The following ERLIN2 variants were observed in gnomAD, a reference collection of about 807,000 sequenced individuals.
ERLIN2 encodes the protein erlin-2.
Under a neutral mutation model 41.5 loss-of-function variants are expected in ERLIN2, and 22 were observed. The observed-to-expected ratio is 0.53, with a 90% CI of 0.38 to 0.76. The LOEUF (loss-of-function observed/expected upper bound fraction) is 0.76. Among genes scored for constraint, ERLIN2 ranks in the 30% least tolerant of loss-of-function variants. The probability of loss-of-function intolerance (pLI) is 0.00; values close to 1 mark genes in which losing one functional copy is unlikely to be tolerated. For synonymous variants in ERLIN2, 149 were observed against 150.9 expected (o/e 0.99, Z 0.09); for missense variants, 247 against 414.3 (o/e 0.60, Z 3.51).
At position 37,736,650 on chromosome 8, in the gene ERLIN2, G is replaced by A; in HGVS notation, c.-44G>A. 1.0e-6 allele frequency: 1 copy of A among 985,804 alleles called. No homozygotes were observed. 61.1% of individuals were successfully genotyped at this position (985,804 alleles called of 1,614,324 possible). On this transcript the variant is annotated 5_prime_UTR_variant, in exon 1 of 12. Coordinates refer to ENST00000519638, the MANE Select transcript of ERLIN2 (RefSeq NM_007175.8). The stretch of plus-strand genomic sequence containing the variant: ...GGTTTTCTTGCTCGTGGGCTCGGAC[G>A]AGTACGGAGCGCCTGCAGGGACAGC...
chr8:37,752,358 C>T (rs904942981), intron 10 of ERLIN2, among the ~76,000 whole-genome samples: 2 of 152,216 alleles, frequency 1.3e-5, no homozygotes, highest in Admixed American at 1.3e-4. Flanking sequence ...GACCTCAAGG[C>T]CCAGCTTCAG....
rs905683740 is a variant in ERLIN2 at position 37,750,545 on chromosome 8, G to A, written c.649+59G>A. The A allele has an allele frequency of 4.6e-5, 66 of 1,433,632 alleles. 1 individual carries two copies. The Admixed American group carries it at 1.1e-3, about 24-fold the overall frequency. The allele number at this position is 1,433,632 out of a possible 1,614,324, so 88.8% of individuals were successfully genotyped here. On this transcript the variant is annotated intron_variant, in intron 9 of 11. Coordinates refer to ENST00000519638, the MANE Select transcript of ERLIN2 (RefSeq NM_007175.8). ...GCAGAAAGGCTGGGGGTGGTGGGAAGATGCAAGGAGGCTAAGGCCTGGTGA... is the reference window on the plus strand; with the variant it reads ...GCAGAAAGGCTGGGGGTGGTGGGAAAATGCAAGGAGGCTAAGGCCTGGTGA...
intron 9 of ERLIN2, 50 bp from the exon 10 acceptor site, chr8:37,751,576 A>T: frequency 6.7e-7 from 1 of 1,500,514 alleles, no homozygotes; most frequent in Non-Finnish European, 9.3e-7. Context: ...AGGTGAAATT[A>T]GTCAAACTCT....
Position 37,757,052 on chromosome 8 carries a change from G to C in ERLIN2, c.*2937G>C, listed in dbSNP as rs1181409543. 1 of 152,140 alleles carries C rather than the reference G, an allele frequency of 6.6e-6. No individual in the cohort carries two copies. The highest frequency in any genetic ancestry group is 1.5e-5 in the Non-Finnish European group (1 of 68,028). 9.4% of individuals were successfully genotyped at this position (152,140 alleles called of 1,614,324 possible). A position where few individuals can be genotyped will look rare whatever the true frequency, so the allele number is the denominator to read the frequency against. On this transcript the variant is annotated 3_prime_UTR_variant, in exon 12 of 12. Coordinates refer to ENST00000519638, the MANE Select transcript of ERLIN2 (RefSeq NM_007175.8). ...GGAGGGATCTGTGATCATATAAAAA[G>C]GGAGGGTTACTGAAAGAATTTTAGC... is the stretch of plus-strand genomic sequence containing the variant.
At chr8:37,747,728 A>C (rs765581189) in intron 6 of ERLIN2, 1 of 1,589,288 alleles carries the variant, frequency 6.3e-7, no homozygotes, top group Non-Finnish European at 8.6e-7. Flanking sequence ...CACTTTGCAC[A>C]TTTCTTTCTG....
In ERLIN2 at chr8:37,740,913, T is replaced by C. The variant is rs796117304; in HGVS notation, c.189+467T>C. Among the ~76,000 whole-genome samples, 3 of 152,328 alleles carry C rather than the reference T, an allele frequency of 2.0e-5. 1 individual carries two copies. The highest frequency in any genetic ancestry group is 7.2e-5 in the African/African-American group (3 of 41,572). On this transcript the variant is annotated intron_variant, in intron 3 of 11. Coordinates refer to ENST00000519638, the MANE Select transcript of ERLIN2 (RefSeq NM_007175.8). Reference sequence around the variant, plus strand: ...GATCTAAAGCCTGGCTAAGTTGGACTTGCCATCTCTGAAGTATGTCCAGCT... The same window carrying C: ...GATCTAAAGCCTGGCTAAGTTGGACCTGCCATCTCTGAAGTATGTCCAGCT...
At chr8:37,738,093 C>T (rs1802718577) in intron 2 of ERLIN2, 64 bp downstream of exon 2, 1 of 1,586,566 alleles carries the variant, frequency 6.3e-7, no homozygotes, top group African/African-American at 1.3e-5. Context: ...CTGGTCATTG[C>T]TTTCCTAGCA....
chr8:37,751,265 G>A (rs1803212279), intron 9 of ERLIN2, among the ~76,000 whole-genome samples: 1 of 152,242 alleles, frequency 6.6e-6, no homozygotes, highest in African/African-American at 2.4e-5. Context: ...TAGAAGCTAT[G>A]TTCTAAGTCA....
chr8:37,751,484 C>T (rs1563317178), intron 9 of ERLIN2, 142 bp from the exon 10 acceptor site: 1 of 708,910 alleles, frequency 1.4e-6, no homozygotes, highest in East Asian at 2.7e-5. Flanking sequence ...GCATATCCCA[C>T]TCTGCCCTTG....
At chr8:37,744,453 T>C in intron 5 of ERLIN2, 37 bp downstream of exon 5, 1 of 1,611,222 alleles carries the variant, frequency 6.2e-7, no homozygotes, top group Admixed American at 1.7e-5. Context: ...ACCAGCTCAC[T>C]TTCCCCAGCA....
At chr8:37,749,948 T>A (rs1381194885) in intron 8 of ERLIN2, 96 bp downstream of exon 8, 6 of 1,101,378 alleles carry the variant, frequency 5.4e-6, no homozygotes, top group Admixed American at 1.7e-5. Flanking sequence ...GGCTTCTCGG[T>A]TATCCCCTTG....
Position 37,744,833 on chromosome 8 carries a change from C to G in ERLIN2, c.424+137C>G, listed in dbSNP as rs565755341. On this transcript the variant is annotated intron_variant, in intron 6 of 11. Transcript: ENST00000519638. ...AGGAAATGTTAAAGAATCTTGTGCT[C>G]AGGAGCTGGTCACAAAGGAGTTCAT... The G allele has an allele frequency of 7.3e-6, 7 of 954,952 alleles. No homozygotes were observed. In the African/African-American group the frequency reaches 1.1e-4, roughly 15 times the overall value. 59.2% of individuals were successfully genotyped at this position (954,952 alleles called of 1,614,324 possible).
chr8:37,753,852 C>G, intron 11 of ERLIN2, 63 bp from the exon 12 acceptor site: 2 of 1,404,232 alleles, frequency 1.4e-6, no homozygotes, highest in Non-Finnish European at 2.0e-6. Context: ...GAAGGGGCAC[C>G]ACTCCCCTCC....
rs1020399157 is a variant in ERLIN2 at position 37,741,347 on chromosome 8, T to G, written c.190-425T>G. ...TGTTATAATTGTTCTATTTTATTAT[T>G]GTTGATCACTTACTGTACCTAATTT... On this transcript the variant is annotated intron_variant, in intron 3 of 11. Transcript: ENST00000519638. This position sits in a 1 kb window ranked among gnomAD's most constrained non-coding sequence, Gnocchi z 4.8. Among the ~76,000 whole-genome samples the G allele has an allele frequency of 2.0e-5, 3 of 152,218 alleles. No homozygotes were observed. Among genetic ancestry groups the G allele is most frequent in the African/African-American group, 7.2e-5 (3 of 41,446 alleles).
chr8:37,753,280 G>A (rs935670572), intron 10 of ERLIN2, among the ~76,000 whole-genome samples, 170 bp from the exon 11 acceptor site: 1 of 152,180 alleles, frequency 6.6e-6, no homozygotes, highest in African/African-American at 2.4e-5. Flanking sequence ...TGTACAATAG[G>A]GGAAAATGCA....
intron 6 of ERLIN2, chr8:37,745,644 G>C (rs1396430329): frequency 1.2e-6 from 2 of 1,613,822 alleles, no homozygotes; most frequent in South Asian, 1.1e-5. Context: ...GCAGACAGGA[G>C]GACTCATCCA....
At position 37,754,288 on chromosome 8, in the gene ERLIN2, T is replaced by A; in HGVS notation, c.*173T>A. 1 of 657,698 alleles carries A rather than the reference T, an allele frequency of 1.5e-6. No individual in the cohort carries two copies. 40.7% of individuals were successfully genotyped at this position (657,698 alleles called of 1,614,324 possible). A position where few individuals can be genotyped will look rare whatever the true frequency, so the allele number is the denominator to read the frequency against. ...TTTCTAGGGAAAGGAGGGTGGGGAC[T>A]GATGATGGGGGGTTTTATTTCAGGT... On this transcript the variant is annotated 3_prime_UTR_variant, in exon 12 of 12. Coordinates refer to ENST00000519638, the MANE Select transcript of ERLIN2 (RefSeq NM_007175.8).
At position 37,758,308 on chromosome 8, in the gene ERLIN2, A is replaced by T. The variant is rs1212997354; in HGVS notation, c.*4193A>T. 6.6e-6 allele frequency: 1 copy of T among 152,226 alleles called. No homozygotes were observed. The highest frequency in any genetic ancestry group is 2.4e-5 in the African/African-American group (1 of 41,460). The allele number at this position is 152,226 out of a possible 1,614,324, so 9.4% of individuals were successfully genotyped here. On this transcript the variant is annotated 3_prime_UTR_variant, in exon 12 of 12. Coordinates refer to ENST00000519638, the MANE Select transcript of ERLIN2 (RefSeq NM_007175.8). Reference sequence around the variant, plus strand: ...GTGTAGTTACTGCAGTTAGACTGCCAAAGTTCAAATCACTGCTCTACTACT... The same window carrying T: ...GTGTAGTTACTGCAGTTAGACTGCCTAAGTTCAAATCACTGCTCTACTACT...
At chr8:37,737,751 AG>A in intron 1 of ERLIN2, 156 bp from the exon 2 acceptor site, 1 of 767,712 alleles carries the variant, frequency 1.3e-6, no homozygotes, top group Non-Finnish European at 2.1e-6. Flanking sequence ...ACTGAGAACG[AG>A]GAGGAAGCGA....
Sources: allele counts gnomAD v4.1 joint callset (sites outside exome capture counted in the v4.1 genomes callset), GRCh38; gene constraint gnomAD v4.1.1; non-coding constraint Gnocchi (gnomAD v3.1); transcripts MANE v1.5; gene names NCBI Gene and HGNC (gene_info 2026-07-23, HGNC 2026-07-21).